Variants in PTPRQ observed in about 807,000 individuals in gnomAD.
PTPRQ encodes phosphatidylinositol phosphatase PTPRQ.
PTPRQ carries 199 observed loss-of-function variants against 246.0 expected under a neutral mutation model. That is an observed-to-expected ratio of 0.81 (90% CI 0.72 to 0.91). The LOEUF (loss-of-function observed/expected upper bound fraction) is 0.91. Among genes scored for constraint, PTPRQ ranks in the 40% least tolerant of loss-of-function variants. The probability of loss-of-function intolerance (pLI) is 0.00; values close to 1 mark genes in which losing one functional copy is unlikely to be tolerated. For synonymous variants in PTPRQ, 869 were observed against 853.2 expected (o/e 1.02, Z -0.32); for missense variants, 2,624 against 2,528.4 (o/e 1.04, Z -0.81).
chr12:80,616,371 T>C, intron 30 of PTPRQ, 105 bp downstream of exon 30: 1 of 1,107,364 alleles, frequency 9.0e-7, no homozygotes. Context: ...GTGATAAATA[T>C]GCATATATTA....
In PTPRQ at chr12:80,592,543, CAGTT is replaced by C. The variant is rs1897833415; in HGVS notation, c.4609+4093_4609+4096del. On this transcript the variant is annotated intron_variant, in intron 26 of 44. Coordinates refer to ENST00000644991, the MANE Select transcript of PTPRQ (RefSeq NM_001145026.2). The stretch of plus-strand genomic sequence containing the variant: ...AACATAAGAATAAAAGAAATTATAA[CAGTT>C]AAGTAACGGAAGTCTTGAAGAGCAA... 8.6e-5 allele frequency among the ~76,000 whole-genome samples: 13 copies of C among 152,032 alleles called. No individual in the cohort carries two copies. The South Asian group carries it at 2.7e-3, about 32-fold the overall frequency.
Position 80,496,414 on chromosome 12 carries a change from A to G in PTPRQ, c.2155A>G (p.Ile719Val). ...LYMKNTSTTD[I>V]ILRNLRPHTL... ...TATGAAGAACACATCAACAACAGAC[A>G]TAATATTAAGGAACTTAAGACCTCA... is the stretch of plus-strand genomic sequence containing the variant. Residue 719 changes from isoleucine (I) to valine (V), a missense_variant, in exon 14 of 45, where the codon ATA becomes GTA. Ile to Val is a conservative substitution (Grantham distance 29, BLOSUM62 3). Coordinates refer to ENST00000644991, the MANE Select transcript of PTPRQ (RefSeq NM_001145026.2). 4 of 1,550,848 alleles carry G rather than the reference A, an allele frequency of 2.6e-6. No homozygotes were observed. The highest frequency in any genetic ancestry group is 3.5e-6 in the Non-Finnish European group (4 of 1,146,458).
At chr12:80,616,574 G>A (rs1206406698) in intron 30 of PTPRQ, among the ~76,000 whole-genome samples, 1 of 150,730 alleles carries the variant, frequency 6.6e-6, no homozygotes, top group Non-Finnish European at 1.5e-5. Context: ...AAATGTTATC[G>A]AAAAGAAAGT....
chr12:80,577,467 C>T lies in PTPRQ; in HGVS notation c.4286-10662C>T, dbSNP rs1297708421. 2.6e-5 allele frequency among the ~76,000 whole-genome samples: 4 copies of T among 152,088 alleles called. No homozygotes were observed. The East Asian group carries it at 7.7e-4, about 29-fold the overall frequency. ...ATGATTCAATTATCTCTTCCTGGTC[C>T]CTCCCATGACATATGGGGATTATGG... On this transcript the variant is annotated intron_variant, in intron 25 of 44. Coordinates refer to ENST00000644991, the MANE Select transcript of PTPRQ (RefSeq NM_001145026.2).
chr12:80,600,125 T>C (rs1220615516), intron 26 of PTPRQ, among the ~76,000 whole-genome samples: 4 of 151,902 alleles, frequency 2.6e-5, no homozygotes, highest in Admixed American at 1.3e-4. Flanking sequence ...AGAAATGGCA[T>C]TAAAGCATAG....
Position 80,591,577 on chromosome 12 carries a change from A to G in PTPRQ, c.4609+3125A>G, listed in dbSNP as rs940468012. The stretch of plus-strand genomic sequence containing the variant: ...AGGTGATGATAAGGATGACGATACT[A>G]TAACAAAGATAGCAAAAATATAGAA... On this transcript the variant is annotated intron_variant, in intron 26 of 44. Transcript: ENST00000644991. 2.0e-5 allele frequency among the ~76,000 whole-genome samples: 3 copies of G among 152,350 alleles called. No homozygotes were observed. In the East Asian group the frequency reaches 5.8e-4, roughly 29 times the overall value.
chr12:80,540,438 A>G (rs934151060), intron 20 of PTPRQ, among the ~76,000 whole-genome samples: 6 of 152,102 alleles, frequency 3.9e-5, no homozygotes, highest in Non-Finnish European at 1.5e-5. Context: ...TATCCCGAGT[A>G]TTCAGAAAAC....
At chr12:80,654,305 G>T (rs879897050) in intron 38 of PTPRQ, among the ~76,000 whole-genome samples, 1 of 152,130 alleles carries the variant, frequency 6.6e-6, no homozygotes, top group Non-Finnish European at 1.5e-5. Context: ...TGTTTGTCAG[G>T]CTGGTTAAAT....
At chr12:80,656,768 G>C (rs1900452187) in intron 38 of PTPRQ, among the ~76,000 whole-genome samples, 1 of 151,600 alleles carries the variant, frequency 6.6e-6, no homozygotes, top group South Asian at 2.1e-4. Context: ...AGAAAACAAA[G>C]TGGTGTTCCA....
chr12:80,644,436 T>C (rs946088311), intron 35 of PTPRQ, among the ~76,000 whole-genome samples: 3 of 152,274 alleles, frequency 2.0e-5, no homozygotes, highest in East Asian at 1.9e-4. Context: ...TAAATGAATA[T>C]CCTACCAGTC....
intron 39 of PTPRQ, among the ~76,000 whole-genome samples, chr12:80,659,801 A>G (rs1003292447): frequency 1.1e-4 from 17 of 152,054 alleles, no homozygotes; most frequent in Admixed American, 5.9e-4. Flanking sequence ...CTATGACCCA[A>G]TGTAATGATA....
chr12:80,673,220 A>G lies in PTPRQ; in HGVS notation c.6654A>G (p.Gln2218=). The part of the protein sequence containing the change: ...GVFIALDHLT[Q]HINDHDFVDI... ...TTATTGCTCTGGACCATTTAACACA[A>G]CATATAAATGACCATGATTTTGTGG... Residue 2218 remains glutamine (Q), a synonymous_variant, in exon 43 of 45, where the codon CAA becomes CAG. Coordinates refer to ENST00000644991, the MANE Select transcript of PTPRQ (RefSeq NM_001145026.2). 3 of 1,551,032 alleles carry G rather than the reference A, an allele frequency of 1.9e-6. No homozygotes were observed. Among genetic ancestry groups the G allele is most frequent in the Non-Finnish European group, 2.6e-6 (3 of 1,146,520 alleles).
At chr12:80,620,445 G>T in intron 32 of PTPRQ, 69 bp downstream of exon 32, 1 of 1,531,024 alleles carries the variant, frequency 6.5e-7, no homozygotes, top group South Asian at 1.2e-5. Context: ...CCATCCATCT[G>T]CCTGTCCTTT....
At position 80,620,263 on chromosome 12, in the gene PTPRQ, A is replaced by G; in HGVS notation, c.5499A>G (p.Thr1833=). 1 of 1,549,630 alleles carries G rather than the reference A, an allele frequency of 6.5e-7. No homozygotes were observed. Among genetic ancestry groups the G allele is most frequent in the Non-Finnish European group, 8.7e-7 (1 of 1,145,584 alleles). Residue 1833 remains threonine (T), a synonymous_variant, in exon 32 of 45, where the codon ACA becomes ACG. Transcript: ENST00000644991. ...FPNPPCTEGK[T]KFSGNEEIYI... ...ACCCTCCATGTACAGAAGGAAAGAC[A>G]AAGTTTAGTGGCAATGAAGAAATCT...
At chr12:80,570,468 A>G (rs1897113511) in intron 25 of PTPRQ, among the ~76,000 whole-genome samples, 1 of 152,098 alleles carries the variant, frequency 6.6e-6, no homozygotes, top group Non-Finnish European at 1.5e-5. Flanking sequence ...AGTTCCTTAT[A>G]GATTCTGGGT....
In PTPRQ at chr12:80,515,727, C is replaced by G. The variant is rs544877256; in HGVS notation, c.2678+5284C>G. 8.6e-4 allele frequency among the ~76,000 whole-genome samples: 128 copies of G among 148,472 alleles called. 3 individuals are homozygous for G. The highest frequency in any genetic ancestry group is 3.1e-3 in the African/African-American group (123 of 40,190). On this transcript the variant is annotated intron_variant, in intron 17 of 44. Coordinates refer to ENST00000644991, the MANE Select transcript of PTPRQ (RefSeq NM_001145026.2). ...GGGATTACAGGCGTGAGCCACTACA[C>G]CTGACTGAATATTTCTTTTTTTTTT...
At chr12:80,539,979 T>C in intron 20 of PTPRQ, 35 bp downstream of exon 20, 1 of 1,408,046 alleles carries the variant, frequency 7.1e-7, no homozygotes, top group Non-Finnish European at 9.3e-7. Context: ...TTTAATATGA[T>C]TAATTTAAAA....
chr12:80,480,949 G>C (rs1395733663), intron 8 of PTPRQ, among the ~76,000 whole-genome samples: 6 of 152,078 alleles, frequency 3.9e-5, no homozygotes. Flanking sequence ...AGAGGTACAA[G>C]GAGGAACTGG....
At chr12:80,494,459 A>G (rs1032824748) in intron 10 of PTPRQ, among the ~76,000 whole-genome samples, 3 of 152,048 alleles carry the variant, frequency 2.0e-5, no homozygotes, top group Non-Finnish European at 4.4e-5. Context: ...TTATTTATTT[A>G]ACTCTTTTAC....
Sources: gnomAD v4.1 joint callset for allele counts (sites outside exome capture counted in the v4.1 genomes callset) on GRCh38, gnomAD v4.1.1 for gene constraint, MANE v1.5 for transcripts, NCBI Gene and HGNC (gene_info 2026-07-23, HGNC 2026-07-21) for gene names.